The following FHOD3 variants were observed in gnomAD, a reference collection of about 807,000 sequenced individuals.
FHOD3 encodes the protein formin homology 2 domain containing 3, also known as FH1/FH2 domain-containing protein 3.
In FHOD3, 90 loss-of-function variants were observed where a neutral mutation model predicts 173.0. That is an observed-to-expected ratio of 0.52 (90% confidence interval 0.44 to 0.62). FHOD3 has a LOEUF of 0.62. Among genes scored for constraint, FHOD3 ranks in the 20% least tolerant of loss-of-function variants. The pLI, the probability that FHOD3 is intolerant of heterozygous loss-of-function variation, is 0.00. For missense variants in FHOD3, 1,945 were observed against 2,034.7 expected, an observed-to-expected ratio of 0.96 and a Z score of 0.85; for synonymous variants, 828 against 823.0, an observed-to-expected ratio of 1.01 and a Z score of -0.10.
At chr18:36,600,595 T>C (rs1403458438) in intron 7 of FHOD3, among the ~76,000 whole-genome samples, 1 of 152,234 alleles carries the variant, frequency 6.6e-6, no homozygotes, top group African/African-American at 2.4e-5. Flanking sequence ...GAGACTCAGA[T>C]AACACAGCTA....
At chr18:36,648,839 A>G (rs975739133) in intron 10 of FHOD3, among the ~76,000 whole-genome samples, 1 of 152,218 alleles carries the variant, frequency 6.6e-6, no homozygotes, top group African/African-American at 2.4e-5. Flanking sequence ...AAGTTAGTCC[A>G]TGCCAAATTG....
intron 24 of FHOD3, among the ~76,000 whole-genome samples, chr18:36,752,657 T>G (rs2042453673): frequency 6.6e-6 from 1 of 152,236 alleles, no homozygotes; most frequent in Admixed American, 6.5e-5. Flanking sequence ...TTTTCAGACC[T>G]TTACTTGTTT....
intron 9 of FHOD3, among the ~76,000 whole-genome samples, chr18:36,612,507 AC>A (rs2032790911): frequency 6.6e-6 from 1 of 152,208 alleles, no homozygotes; most frequent in Non-Finnish European, 1.5e-5. Flanking sequence ...CCAATGCAAA[AC>A]GAAAATGAAG....
At chr18:36,486,426 G>A (rs1513842) in intron 3 of FHOD3, among the ~76,000 whole-genome samples, 115,793 of 152,158 alleles carry the variant, frequency 0.76, 44,980 homozygotes, top group East Asian at 0.95. Context: ...GCAGTAGCAC[G>A]ATTATAGCTT....
At chr18:36,655,492 A>G (rs377463381) in intron 13 of FHOD3, among the ~76,000 whole-genome samples, 4 of 152,346 alleles carry the variant, frequency 2.6e-5, no homozygotes, top group African/African-American at 9.6e-5. Context: ...TGTGGGGGAA[A>G]AAAAAAGCTG....
chr18:36,729,986 C>T (rs1183912520), intron 19 of FHOD3, among the ~76,000 whole-genome samples: 1 of 152,198 alleles, frequency 6.6e-6, no homozygotes, highest in African/African-American at 2.4e-5. Context: ...GCTGGTTCGT[C>T]CCCTATTCAT....
chr18:36,429,648 A>G (rs1471960519), intron 3 of FHOD3, among the ~76,000 whole-genome samples: 2 of 152,172 alleles, frequency 1.3e-5, no homozygotes, highest in Admixed American at 1.3e-4. Context: ...TCAAGGTGAA[A>G]AGGAAATGAA....
intron 5 of FHOD3, among the ~76,000 whole-genome samples, chr18:36,536,131 T>G (rs1599556797): frequency 6.6e-6 from 1 of 152,214 alleles, no homozygotes; most frequent in South Asian, 2.1e-4. Flanking sequence ...CATTCTTAGC[T>G]CTCTGGCTGT....
At chr18:36,581,340 G>T (rs577633131) in intron 6 of FHOD3, among the ~76,000 whole-genome samples, 1 of 152,210 alleles carries the variant, frequency 6.6e-6, no homozygotes, top group Non-Finnish European at 1.5e-5. Context: ...CCAGCACAGA[G>T]AGTCTGTCTC....
intron 1 of FHOD3, among the ~76,000 whole-genome samples, chr18:36,338,791 C>A (rs1168328904): frequency 1.3e-5 from 2 of 152,164 alleles, no homozygotes; most frequent in African/African-American, 4.8e-5. Flanking sequence ...ATCACAGATG[C>A]CAGGTGGAGC....
intron 3 of FHOD3, among the ~76,000 whole-genome samples, chr18:36,488,141 G>A (rs1468029249): frequency 6.6e-6 from 1 of 152,078 alleles, no homozygotes; most frequent in African/African-American, 2.4e-5. Flanking sequence ...TTTCCATCTT[G>A]AAGAATACTT....
intron 4 of FHOD3, among the ~76,000 whole-genome samples, chr18:36,509,563 T>C (rs184019764): frequency 1.8e-3 from 275 of 152,286 alleles, no homozygotes; most frequent in Non-Finnish European, 2.7e-3. Flanking sequence ...TCCTGTAGTT[T>C]AGAGATACAT....
intron 17 of FHOD3, among the ~76,000 whole-genome samples, chr18:36,699,580 CCTT>C (rs1434958426): frequency 6.6e-6 from 1 of 152,206 alleles, no homozygotes; most frequent in African/African-American, 2.4e-5. Context: ...CTCTGGGGCT[CCTT>C]CTAGCATCCT....
At chr18:36,540,274 C>G (rs552162206) in intron 5 of FHOD3, among the ~76,000 whole-genome samples, 82 of 152,286 alleles carry the variant, frequency 5.4e-4, no homozygotes, top group South Asian at 1.5e-3. Flanking sequence ...ACAGAGCAGC[C>G]AAATGTAATT....
chr18:36,609,607 CTTTTTTTTTT>C (rs1181851197), intron 8 of FHOD3, among the ~76,000 whole-genome samples: 1 of 118,190 alleles, frequency 8.5e-6, no homozygotes, highest in Admixed American at 8.7e-5. Context: ...CTTTTTAGTT[CTTTTTTTTTT>C]TTTTTTTTTT....
chr18:36,608,243 G>A (rs1053133609), intron 8 of FHOD3, among the ~76,000 whole-genome samples: 1 of 152,228 alleles, frequency 6.6e-6, no homozygotes. Context: ...AGTTCTTGAG[G>A]CTGGGAGTCC....
At chr18:36,672,835 C>T (rs1414664574) in intron 14 of FHOD3, among the ~76,000 whole-genome samples, 1 of 152,162 alleles carries the variant, frequency 6.6e-6, no homozygotes, top group Non-Finnish European at 1.5e-5. Flanking sequence ...AAAGTAATTG[C>T]AGGCTATCTG....
chr18:36,562,312 C>A (rs559805385), intron 5 of FHOD3, among the ~76,000 whole-genome samples: 1 of 152,070 alleles, frequency 6.6e-6, no homozygotes, highest in Admixed American at 6.6e-5. Context: ...CCACTGCACC[C>A]GGCCATGACA....
At chr18:36,678,524 C>CAAAAAAAAAAA (rs58064190) in intron 14 of FHOD3, among the ~76,000 whole-genome samples, 10 of 71,144 alleles carry the variant, frequency 1.4e-4, no homozygotes, top group Non-Finnish European at 2.1e-4. Flanking sequence ...GACCCTGTCT[C>CAAAAAAAAAAA]AAAAAAAAAA....
Sources: allele counts gnomAD v4.1 joint callset (sites outside exome capture counted in the v4.1 genomes callset), GRCh38; gene constraint gnomAD v4.1.1; transcripts MANE v1.5; gene names NCBI Gene and HGNC (gene_info 2026-07-23, HGNC 2026-07-21).